ARHGAP10: variants seen among roughly 807,000 people sequenced by gnomAD.
The protein encoded by ARHGAP10 is Rho GTPase activating protein 10.
In ARHGAP10, 87 loss-of-function variants were observed where a neutral mutation model predicts 108.6. That is an observed-to-expected ratio of 0.80 (90% CI 0.67 to 0.96). The LOEUF (loss-of-function observed/expected upper bound fraction) is 0.96. Ranked by LOEUF, ARHGAP10 falls within the 40% of genes least tolerant of loss-of-function variation. ARHGAP10 has a pLI of 0.00. For missense variants in ARHGAP10, 939 were observed against 954.5 expected (o/e 0.98, Z 0.21); for synonymous variants, 347 against 341.1 (o/e 1.02, Z -0.19).
intron 4 of ARHGAP10, among the ~76,000 whole-genome samples, chr4:147,849,679 C>T (rs1024317782): frequency 1.3e-5 from 2 of 152,154 alleles, no homozygotes; most frequent in Non-Finnish European, 2.9e-5. Context: ...TTACCTTCTC[C>T]GGTTTCCAGA....
At chr4:147,997,353 T>G (rs1740514876) in intron 18 of ARHGAP10, among the ~76,000 whole-genome samples, 1 of 152,300 alleles carries the variant, frequency 6.6e-6, no homozygotes, top group African/African-American at 2.4e-5. Flanking sequence ...TATAGAACTA[T>G]TCAGTAAAAT....
chr4:148,009,170 C>T (rs1429032787), intron 18 of ARHGAP10, among the ~76,000 whole-genome samples: 2 of 149,734 alleles, frequency 1.3e-5, no homozygotes, highest in Admixed American at 6.7e-5. Flanking sequence ...CTTGCTTTGT[C>T]GCTCAGCTGG....
intron 5 of ARHGAP10, 130 bp downstream of exon 5, chr4:147,857,784 T>G: frequency 1.3e-6 from 1 of 799,130 alleles, no homozygotes; most frequent in Non-Finnish European, 1.7e-6. Context: ...GAACAGGTAT[T>G]GTCATAAATT....
intron 18 of ARHGAP10, among the ~76,000 whole-genome samples, chr4:147,991,394 T>G (rs1317634378): frequency 6.6e-6 from 1 of 152,124 alleles, no homozygotes; most frequent in Non-Finnish European, 1.5e-5. Context: ...CAAATCCACA[T>G]CCCGGCTTCC....
intron 18 of ARHGAP10, among the ~76,000 whole-genome samples, chr4:148,006,897 C>A (rs1740972217): frequency 6.6e-6 from 1 of 152,194 alleles, no homozygotes; most frequent in Non-Finnish European, 1.5e-5. Flanking sequence ...CATCAGCCCA[C>A]CCCAGCACAC....
intron 14 of ARHGAP10, among the ~76,000 whole-genome samples, chr4:147,941,467 G>A (rs1264925025): frequency 9.9e-5 from 15 of 152,112 alleles, no homozygotes; most frequent in African/African-American, 1.7e-4. Context: ...CAAAAAATTC[G>A]TGACCTGGAA....
intron 1 of ARHGAP10, among the ~76,000 whole-genome samples, chr4:147,790,885 T>C (rs1422496523): frequency 6.6e-6 from 1 of 152,184 alleles, no homozygotes; most frequent in Admixed American, 6.5e-5. Context: ...TATTTTTTAA[T>C]ATAAGTAAAT....
intron 22 of ARHGAP10, among the ~76,000 whole-genome samples, chr4:148,067,448 C>T (rs113279298): frequency 1.2e-4 from 19 of 152,310 alleles, no homozygotes; most frequent in African/African-American, 4.6e-4. Flanking sequence ...ACTGGCAGGT[C>T]ATCTGACCAC....
chr4:147,810,267 A>G (rs954086840), intron 1 of ARHGAP10, among the ~76,000 whole-genome samples: 2 of 152,210 alleles, frequency 1.3e-5, no homozygotes, highest in Non-Finnish European at 2.9e-5. Context: ...TAAAACTTGC[A>G]TTCTTTTATT....
At chr4:147,987,067 A>T (rs1480999631) in intron 18 of ARHGAP10, among the ~76,000 whole-genome samples, 2 of 152,264 alleles carry the variant, frequency 1.3e-5, no homozygotes, top group African/African-American at 4.8e-5. Flanking sequence ...GAATATTTTG[A>T]TGTCTCAAAT....
intron 1 of ARHGAP10, among the ~76,000 whole-genome samples, chr4:147,788,220 A>C (rs1730973892): frequency 6.6e-6 from 1 of 151,902 alleles, no homozygotes; most frequent in South Asian, 2.1e-4. Context: ...GCCTAGGTGG[A>C]TGGATCACGA....
At chr4:147,995,829 G>C (rs1233191769) in intron 18 of ARHGAP10, among the ~76,000 whole-genome samples, 1 of 151,636 alleles carries the variant, frequency 6.6e-6, no homozygotes, top group East Asian at 1.9e-4. Context: ...CCATTCTCCT[G>C]CCTCAGCCTC....
chr4:147,782,295 G>A (rs759662856), intron 1 of ARHGAP10, among the ~76,000 whole-genome samples: 2 of 152,156 alleles, frequency 1.3e-5, no homozygotes, highest in Non-Finnish European at 2.9e-5. Flanking sequence ...GTTTTCATGA[G>A]GAGCAAGACT....
chr4:147,739,802 C>T (rs1234621057), intron 1 of ARHGAP10, among the ~76,000 whole-genome samples: 1 of 148,398 alleles, frequency 6.7e-6, no homozygotes, highest in Non-Finnish European at 1.5e-5. Flanking sequence ...ATGGCATGAT[C>T]TTGGTTCACT....
chr4:147,796,741 G>A (rs1031892300), intron 1 of ARHGAP10, among the ~76,000 whole-genome samples: 32 of 152,090 alleles, frequency 2.1e-4, no homozygotes, highest in Admixed American at 1.9e-3. Context: ...TAACCAGGAT[G>A]GTCTCAATCT....
chr4:147,866,433 A>G, intron 6 of ARHGAP10: 2 of 303,844 alleles, frequency 6.6e-6, no homozygotes, highest in Non-Finnish European at 6.1e-6. Flanking sequence ...ACTAAAGAGG[A>G]CAAATGGATG....
At chr4:147,824,986 C>T (rs775882471) in intron 3 of ARHGAP10, among the ~76,000 whole-genome samples, 2 of 152,142 alleles carry the variant, frequency 1.3e-5, no homozygotes, top group African/African-American at 2.4e-5. Flanking sequence ...TGCCCTAGAT[C>T]ACATGGCATC....
intron 12 of ARHGAP10, among the ~76,000 whole-genome samples, chr4:147,912,039 G>GTGTGTGTATA (rs1553962354): frequency 8.2e-6 from 1 of 121,764 alleles, no homozygotes; most frequent in African/African-American, 2.8e-5. Flanking sequence ...GTGTGTGTGT[G>GTGTGTGTATA]TATAGTTTTC....
At chr4:147,877,949 T>G (rs941347083) in intron 8 of ARHGAP10, among the ~76,000 whole-genome samples, 1 of 152,078 alleles carries the variant, frequency 6.6e-6, no homozygotes, top group Non-Finnish European at 1.5e-5. Context: ...GTTATTTTAT[T>G]TTATTTTTTG....
Sources: allele counts gnomAD v4.1 joint callset (sites outside exome capture counted in the v4.1 genomes callset), GRCh38; gene constraint gnomAD v4.1.1; transcripts MANE v1.5; gene names NCBI Gene and HGNC (gene_info 2026-07-23, HGNC 2026-07-21).